The following ZXDC variants were observed in gnomAD, a reference collection of about 807,000 sequenced individuals.
ZXDC encodes the protein zinc finger protein ZXDC.
In ZXDC, 58 loss-of-function variants were observed where a neutral mutation model predicts 63.6. The ratio of observed to expected loss-of-function variants is 0.91; its 90% confidence interval spans 0.74 to 1.13. The LOEUF is 1.13. Among genes scored for constraint, ZXDC ranks in the 50% most tolerant of loss-of-function variants. The pLI is 0.00. For synonymous variants in ZXDC, 561 were observed against 496.1 expected, an observed-to-expected ratio of 1.13 and a Z score of -1.74; for missense variants, 1,133 against 1,148.9, an observed-to-expected ratio of 0.99 and a Z score of 0.20.
intron 7 of ZXDC, chr3:126,457,665 T>TA (rs1175903645): frequency 2.0e-6 from 2 of 985,006 alleles, no homozygotes; most frequent in Non-Finnish European, 2.4e-6. Context: ...CACCTCAGGG[T>TA]AAAAAAACGA....
rs1259351894 is a variant in ZXDC at position 126,447,906 on chromosome 3, GAC to G, written c.2213-5962_2213-5961del. On this transcript the variant is annotated intron_variant, in intron 7 of 9. Transcript: ENST00000389709. Reference sequence around the variant, plus strand: ...TGCCTGCTTCACCTGCTGGAGGTGAGACACAGTGTTCCTGCATACCACGTGGC... The same window carrying G: ...TGCCTGCTTCACCTGCTGGAGGTGAGACAGTGTTCCTGCATACCACGTGGC... Among the ~76,000 whole-genome samples the G allele has an allele frequency of 2.6e-5, 4 of 152,326 alleles. No individual in the cohort carries two copies. The East Asian group carries it at 7.7e-4, about 29-fold the overall frequency.
chr3:126,456,839 G>C (rs1039319935), intron 7 of ZXDC, among the ~76,000 whole-genome samples: 2 of 152,204 alleles, frequency 1.3e-5, no homozygotes, highest in Admixed American at 1.3e-4. Context: ...AAAACAAGAA[G>C]TTGATGGTGA....
chr3:126,469,660 G>C (rs886408647), intron 4 of ZXDC, among the ~76,000 whole-genome samples: 2 of 152,140 alleles, frequency 1.3e-5, no homozygotes, highest in African/African-American at 2.4e-5. Context: ...GCCCTGAGAG[G>C]CTCTCCCAGG....
chr3:126,441,839 C>T lies in ZXDC; in HGVS notation c.2320G>A (p.Gly774Arg), dbSNP rs369601463. ...GCTGGAGCTGGTCCTGGCCGTCCTCCGCTGGGCACCACGAGGCTCCCACAC... is the reference window on the plus strand; with the variant it reads ...GCTGGAGCTGGTCCTGGCCGTCCTCTGCTGGGCACCACGAGGCTCCCACAC... The part of the protein sequence containing the change: ...WLCGSLVVPS[G>R]GRPGPAPAAG... The change falls in exon 8 of 10, where the codon GGA (glycine) becomes AGA (arginine). Residue 774 changes from glycine (G) to arginine (R), a missense_variant. Physicochemically the swap from Gly to Arg is moderately radical, Grantham distance 125. Coordinates refer to ENST00000389709, the MANE Select transcript of ZXDC (RefSeq NM_025112.5). 11 of 1,613,940 alleles carry T rather than the reference C, an allele frequency of 6.8e-6. No individual in the cohort carries two copies. Among genetic ancestry groups the T allele is most frequent in the South Asian group, 3.3e-5 (3 of 91,050 alleles).
At chr3:126,453,663 C>A in intron 7 of ZXDC, 1 of 985,364 alleles carries the variant, frequency 1.0e-6, no homozygotes, top group African/African-American at 1.7e-5. Flanking sequence ...CATGGCCTAT[C>A]CATTTTCCTG....
At chr3:126,471,406 T>C (rs1449053319) in intron 3 of ZXDC, among the ~76,000 whole-genome samples, 1 of 152,224 alleles carries the variant, frequency 6.6e-6, no homozygotes, top group African/African-American at 2.4e-5. Context: ...GAGCATCAGC[T>C]GCAATGCCAA....
At chr3:126,455,223 T>C (rs1440226798) in intron 7 of ZXDC, 14 of 321,386 alleles carry the variant, frequency 4.4e-5, no homozygotes, top group Non-Finnish European at 6.3e-5. Flanking sequence ...TGTAAAGCTA[T>C]TTACAGTCTC....
chr3:126,455,104 T>C, intron 7 of ZXDC: 1 of 985,344 alleles, frequency 1.0e-6, no homozygotes, highest in Non-Finnish European at 1.2e-6. Flanking sequence ...TTATTACAGG[T>C]CCATAGTCTC....
chr3:126,441,009 T>C (rs1933654685), intron 8 of ZXDC: 1 of 985,140 alleles, frequency 1.0e-6, no homozygotes, highest in Non-Finnish European at 1.2e-6. Flanking sequence ...CAAAGTGGAG[T>C]GGTGAAGAGG....
chr3:126,455,161 T>C (rs564320730), intron 7 of ZXDC: 7 of 905,282 alleles, frequency 7.7e-6, no homozygotes, highest in East Asian at 2.4e-4. Context: ...CAATTTTTTT[T>C]CCCTAAACTT....
chr3:126,444,282 C>T (rs1933791021), intron 7 of ZXDC, among the ~76,000 whole-genome samples: 1 of 152,162 alleles, frequency 6.6e-6, no homozygotes, highest in East Asian at 1.9e-4. Flanking sequence ...CCTGTAATCC[C>T]AGCGCTTTGG....
At chr3:126,441,319 G>C in intron 8 of ZXDC, 1 of 999,590 alleles carries the variant, frequency 1.0e-6, no homozygotes, top group Non-Finnish European at 1.2e-6. Flanking sequence ...GCATAGAAAG[G>C]CTGCTAGTGC....
chr3:126,474,087 C>G (rs1451798126), intron 1 of ZXDC, among the ~76,000 whole-genome samples: 2 of 132,926 alleles, frequency 1.5e-5, no homozygotes, highest in Admixed American at 7.9e-5. Flanking sequence ...TTTTTTGAGA[C>G]GGTGTCTCGC....
chr3:126,464,204 G>A (rs1934662892), intron 5 of ZXDC, among the ~76,000 whole-genome samples: 1 of 152,176 alleles, frequency 6.6e-6, no homozygotes, highest in African/African-American at 2.4e-5. Context: ...GACCAGACAT[G>A]TACAAGGGCC....
chr3:126,440,690 C>T, intron 8 of ZXDC: 1 of 985,702 alleles, frequency 1.0e-6, no homozygotes. Context: ...AAACAAAGGA[C>T]CAGTGCTCCT....
chr3:126,450,329 A>G (rs1479310025), intron 7 of ZXDC: 1 of 456,748 alleles, frequency 2.2e-6, no homozygotes, highest in Non-Finnish European at 4.4e-6. Context: ...ACACAAGAGC[A>G]GACAGCTCCC....
At chr3:126,449,798 G>C (rs1934028033) in intron 7 of ZXDC, among the ~76,000 whole-genome samples, 1 of 152,232 alleles carries the variant, frequency 6.6e-6, no homozygotes, top group Admixed American at 6.5e-5. Flanking sequence ...TGGACCTGCA[G>C]AGGCCAGGTG....
intron 7 of ZXDC, chr3:126,453,063 T>C: frequency 2.0e-6 from 2 of 985,418 alleles, no homozygotes; most frequent in Non-Finnish European, 1.2e-6. Context: ...GGGAAGCTTC[T>C]GTTTTCCACA....
chr3:126,465,565 A>G (rs1934722697), intron 5 of ZXDC, among the ~76,000 whole-genome samples: 1 of 152,218 alleles, frequency 6.6e-6, no homozygotes, highest in Non-Finnish European at 1.5e-5. Flanking sequence ...TTCAGAATTC[A>G]GGACAAAAGT....
Sources: gnomAD v4.1 joint callset for allele counts (sites outside exome capture counted in the v4.1 genomes callset) on GRCh38, gnomAD v4.1.1 for gene constraint, MANE v1.5 for transcripts, NCBI Gene and HGNC (gene_info 2026-07-23, HGNC 2026-07-21) for gene names.